The following ZNF536 variants were observed in gnomAD, a reference collection of about 807,000 sequenced individuals.
The protein encoded by ZNF536 is zinc finger protein 536.
A neutral mutation model predicts 84.5 loss-of-function variants in ZNF536; 13 were observed. The ratio of observed to expected loss-of-function variants is 0.15; its 90% confidence interval spans 0.10 to 0.24. ZNF536 has a LOEUF of 0.24. Ranked by LOEUF, ZNF536 falls within the 10% of genes least tolerant of loss-of-function variation. ZNF536 has a pLI of 1.00. For missense variants in ZNF536, 1,536 were observed against 1,747.5 expected (o/e 0.88, Z 2.16); for synonymous variants, 811 against 742.5 (o/e 1.09, Z -1.50).
At chr19:30,259,556 T>C (rs1599924306) in intron 1 of ZNF536, among the ~76,000 whole-genome samples, 1 of 152,268 alleles carries the variant, frequency 6.6e-6, no homozygotes, top group East Asian at 1.9e-4. Context: ...TACTGAGGTG[T>C]AAGAGCCACT....
intron 2 of ZNF536, chr19:30,284,220 C>A (rs1351152355): frequency 1.3e-5 from 2 of 152,416 alleles, no homozygotes; most frequent in Admixed American, 6.5e-5. Context: ...CTTCTCTGGG[C>A]TGCTGATCCC....
chr19:30,631,083 G>T (rs1272979370), intron 1 of ZNF536, among the ~76,000 whole-genome samples: 1 of 152,170 alleles, frequency 6.6e-6, no homozygotes, highest in South Asian at 2.1e-4. Context: ...CTCCTGGAGC[G>T]GAGGCTGGGC....
At chr19:30,503,748 T>A (rs1407069238) in intron 2 of ZNF536, among the ~76,000 whole-genome samples, 2 of 152,134 alleles carry the variant, frequency 1.3e-5, no homozygotes, top group Non-Finnish European at 2.9e-5. Context: ...CCATCCCCTA[T>A]CTCCCTGGCG....
At position 30,293,278 on chromosome 19, in the gene ZNF536, G is replaced by T. The variant is rs148614586; in HGVS notation, c.-120+9137G>T. Among the ~76,000 whole-genome samples the T allele has an allele frequency of 2.2e-3, 337 of 152,262 alleles. 4 individuals carry two copies. Among genetic ancestry groups the T allele is most frequent in the Middle Eastern group, 3.4e-3 (1 of 294 alleles). Reference sequence around the variant, plus strand: ...TCTGTCCACCAGGATGTGTGGACTTGGTACCAGGAACCTTCTGATATTTCT... The same window carrying T: ...TCTGTCCACCAGGATGTGTGGACTTTGTACCAGGAACCTTCTGATATTTCT... On this transcript the variant is annotated intron_variant, in intron 2 of 5. Transcript: ENST00000585628.
At chr19:30,498,980 A>G (rs898031224) in intron 2 of ZNF536, among the ~76,000 whole-genome samples, 1 of 151,972 alleles carries the variant, frequency 6.6e-6, no homozygotes, top group African/African-American at 2.4e-5. Context: ...GACAGTGCCA[A>G]GAATAAAAAT....
At chr19:30,240,298 G>C (rs186308655) in intron 1 of ZNF536, among the ~76,000 whole-genome samples, 1 of 152,012 alleles carries the variant, frequency 6.6e-6, no homozygotes, top group African/African-American at 2.4e-5. Context: ...GCTCAAACCC[G>C]GGAGGCAGAG....
chr19:30,712,079 C>G (rs941807671), exon 2 of ZNF536: 5 of 151,894 alleles, frequency 3.3e-5, no homozygotes, highest in Non-Finnish European at 7.4e-5. Context: ...ACATCGTGCT[C>G]TCTATCTCTA....
intron 1 of ZNF536, among the ~76,000 whole-genome samples, chr19:30,234,013 A>G (rs567094610): frequency 9.8e-5 from 15 of 152,312 alleles, no homozygotes; most frequent in African/African-American, 2.6e-4. Context: ...GCCTCCAGGT[A>G]GGTGGTGGCA....
chr19:30,597,673 C>G (rs1001415775), intron 1 of ZNF536, among the ~76,000 whole-genome samples: 2 of 152,146 alleles, frequency 1.3e-5, no homozygotes, highest in African/African-American at 4.8e-5. Context: ...AAAGCAACCT[C>G]TATGTAAAAT....
intron 1 of ZNF536, among the ~76,000 whole-genome samples, chr19:30,710,363 G>A (rs1279287096): frequency 6.6e-6 from 1 of 152,092 alleles, no homozygotes; most frequent in Non-Finnish European, 1.5e-5. Context: ...GCAACATAGC[G>A]AGATCCTGTC....
intron 1 of ZNF536, among the ~76,000 whole-genome samples, chr19:30,567,580 C>A (rs566370338): frequency 2.6e-5 from 4 of 152,306 alleles, no homozygotes; most frequent in East Asian, 3.9e-4. Context: ...CCCGAGGAAA[C>A]CTGACCCCCA....
In ZNF536 at chr19:30,623,715, C is replaced by T. The variant is rs28495978; in HGVS notation, c.169+74201C>T. On this transcript the variant is annotated intron_variant, in intron 1 of 1. Transcript: ENST00000592773. ...CTCCTATTTAAGATTTGGACCAGCCCCATCCTAGAATTCCCTCTGCCTCTT... is the reference window on the plus strand; with the variant it reads ...CTCCTATTTAAGATTTGGACCAGCCTCATCCTAGAATTCCCTCTGCCTCTT... Among the ~76,000 whole-genome samples, 1,179 of 152,302 alleles carry T rather than the reference C, an allele frequency of 7.7e-3. 19 individuals are homozygous for T. Among genetic ancestry groups the T allele is most frequent in the African/African-American group, 0.027 (1,104 of 41,552 alleles).
intron 1 of ZNF536, among the ~76,000 whole-genome samples, chr19:30,392,380 G>A (rs1334733547): frequency 6.6e-6 from 1 of 152,156 alleles, no homozygotes; most frequent in Non-Finnish European, 1.5e-5. Context: ...ACAGAATTTA[G>A]CCTTATGAAG....
chr19:30,370,175 A>G (rs563957693), upstream of ZNF536, among the ~76,000 whole-genome samples: 1 of 152,282 alleles, frequency 6.6e-6, no homozygotes, highest in African/African-American at 2.4e-5. Flanking sequence ...TGTTCACTCA[A>G]TTGGCTGTTG....
intron 2 of ZNF536, among the ~76,000 whole-genome samples, chr19:30,350,693 G>A (rs937522624): frequency 6.6e-6 from 1 of 152,098 alleles, no homozygotes; most frequent in Non-Finnish European, 1.5e-5. Flanking sequence ...AGGAGAGGGT[G>A]GAAAATAAGC....
intron 3 of ZNF536, among the ~76,000 whole-genome samples, chr19:30,358,859 T>C (rs74891956): frequency 0.048 from 7,360 of 152,294 alleles, 236 homozygotes; most frequent in Non-Finnish European, 0.073. Context: ...GGGGCACGTT[T>C]TGGACTCTGC....
rs577327898 is a variant in ZNF536 at position 30,327,090 on chromosome 19, T to C, written c.-119-25278T>C. 1.2e-4 allele frequency among the ~76,000 whole-genome samples: 18 copies of C among 152,210 alleles called. No homozygotes were observed. In the East Asian group the frequency reaches 1.9e-3, roughly 16 times the overall value. On this transcript the variant is annotated intron_variant, in intron 2 of 5. Transcript: ENST00000585628. ...CCTTGATTGCACCACTGCACTCCAG[T>C]CTGGGCAACAGAGAAAAACCCTGCC...
intron 1 of ZNF536, among the ~76,000 whole-genome samples, chr19:30,248,418 A>G (rs1380084913): frequency 1.9e-5 from 2 of 106,094 alleles, no homozygotes; most frequent in African/African-American, 3.5e-5. Flanking sequence ...TTTTTTTTGT[A>G]GTTTTAGTAG....
chr19:30,644,852 G>A (rs1166001537), intron 1 of ZNF536, among the ~76,000 whole-genome samples: 1 of 152,192 alleles, frequency 6.6e-6, no homozygotes, highest in Non-Finnish European at 1.5e-5. Context: ...TTTTATAGCA[G>A]TGTGATTTAT....
Sources: gnomAD v4.1 joint callset for allele counts (sites outside exome capture counted in the v4.1 genomes callset) on GRCh38, gnomAD v4.1.1 for gene constraint, MANE v1.5 for transcripts, NCBI Gene and HGNC (gene_info 2026-07-23, HGNC 2026-07-21) for gene names.